PCDHA2: variants seen among roughly 807,000 people sequenced by gnomAD.
PCDHA2 encodes protocadherin alpha-2.
PCDHA2 carries 58 observed loss-of-function variants against 66.0 expected under a neutral mutation model. That is an observed-to-expected ratio of 0.88 (90% confidence interval 0.71 to 1.09). The LOEUF is 1.09. PCDHA2 is among the 50% of genes least tolerant of loss of function. The probability of loss-of-function intolerance (pLI) is 0.00; values close to 1 mark genes in which losing one functional copy is unlikely to be tolerated. For synonymous variants in PCDHA2, 634 were observed against 554.0 expected (o/e 1.14, Z -2.03); for missense variants, 1,267 against 1,242.3 (o/e 1.02, Z -0.30).
chr5:140,836,457 G>A (rs2150261358), intron 1 of PCDHA2: 82,082 of 1,613,792 alleles, frequency 0.051, 3,121 homozygotes, highest in Middle Eastern at 0.086. Context: ...CCCAGAGACC[G>A]AGCTGGTGGA....
At chr5:140,822,728 A>C (rs1554128843) in intron 1 of PCDHA2, 1 of 1,612,954 alleles carries the variant, frequency 6.2e-7, no homozygotes, top group Non-Finnish European at 8.5e-7. Flanking sequence ...TATGAAATTA[A>C]TATTGATGCC....
chr5:140,873,275 T>C (rs1335407966), intron 1 of PCDHA2, among the ~76,000 whole-genome samples: 1 of 152,220 alleles, frequency 6.6e-6, no homozygotes, highest in Non-Finnish European at 1.5e-5. Context: ...TAAACCATCA[T>C]ACCACTTATG....
chr5:140,863,488 A>G (rs1554158271), intron 1 of PCDHA2: 1 of 451,898 alleles, frequency 2.2e-6, no homozygotes, highest in Admixed American at 2.5e-5. Context: ...CCCAAGGTCA[A>G]CATTACGGCT....
chr5:140,854,265 A>C lies in PCDHA2; in HGVS notation c.2388+56913A>C, dbSNP rs2043061448. The C allele has an allele frequency of 6.7e-6, 4 of 593,530 alleles. 1 individual carries two copies. The highest frequency in any genetic ancestry group is 4.0e-5 in the African/African-American group (2 of 49,606). The allele number at this position is 593,530 out of a possible 1,614,324, so 36.8% of individuals were successfully genotyped here. A position where few individuals can be genotyped will look rare whatever the true frequency, so the allele number is the denominator to read the frequency against. ...TATCACTTGGTATAAAATGTACATT[A>C]GTAGAAATTGAGTTTAGTTTTTATT... On this transcript the variant is annotated intron_variant, in intron 1 of 3. Transcript: ENST00000526136.
chr5:140,835,559 C>T, intron 1 of PCDHA2: 1 of 1,613,922 alleles, frequency 6.2e-7, no homozygotes, highest in Non-Finnish European at 8.5e-7. Flanking sequence ...TGACGCCCCG[C>T]GTTCCCTTCA....
At chr5:140,884,158 G>T (rs376345503) in intron 1 of PCDHA2, 6 of 1,613,488 alleles carry the variant, frequency 3.7e-6, no homozygotes, top group Non-Finnish European at 5.1e-6. Context: ...ACACTGGCGA[G>T]ATCAGCACGA....
At position 140,973,495 on chromosome 5, in the gene PCDHA2, T is replaced by TA. The variant is rs148545809; in HGVS notation, c.2389-5454_2389-5453insA. Among the ~76,000 whole-genome samples, 585 of 152,336 alleles carry TA rather than the reference T, an allele frequency of 3.8e-3. 2 individuals are homozygous for TA. Among genetic ancestry groups the TA allele is most frequent in the African/African-American group, 0.013 (553 of 41,574 alleles). ...AATTTCATATTGGTCACAGGACTCTTCTTCTGAGAAAAAGTTTATTTTCTT... is the reference window on the plus strand; with the variant it reads ...AATTTCATATTGGTCACAGGACTCTTACTTCTGAGAAAAAGTTTATTTTCTT... On this transcript the variant is annotated intron_variant, in intron 1 of 3. Coordinates refer to ENST00000526136, the MANE Select transcript of PCDHA2 (RefSeq NM_018905.3).
intron 1 of PCDHA2, among the ~76,000 whole-genome samples, chr5:140,915,626 G>GTCTCTCTCTCTCTCTC (rs57920489): frequency 1.4e-5 from 2 of 146,436 alleles, no homozygotes; most frequent in African/African-American, 2.5e-5. Context: ...GTCTCTTTCT[G>GTCTCTCTCTCTCTCTC]TCTCTCTCTC....
intron 1 of PCDHA2, chr5:140,829,309 G>A (rs2150165707): frequency 1.1e-5 from 17 of 1,614,252 alleles, no homozygotes; most frequent in Non-Finnish European, 1.4e-5. Context: ...ATTACTACTC[G>A]TTGGTGCTGG....
intron 1 of PCDHA2, chr5:140,801,467 A>C (rs782777008): frequency 5.2e-5 from 84 of 1,613,952 alleles, no homozygotes; most frequent in East Asian, 1.1e-4. Flanking sequence ...ATTCTCGGAT[A>C]GACCGCGAGG....
intron 1 of PCDHA2, chr5:140,809,009 T>A: frequency 1.2e-6 from 2 of 1,613,662 alleles, no homozygotes; most frequent in Non-Finnish European, 1.7e-6. Context: ...CGCGTGGCTT[T>A]CGTACGAGCT....
chr5:140,809,156 C>A lies in PCDHA2; in HGVS notation c.2388+11804C>A, dbSNP rs142332964. ...GGTACTGGTGAAGGACCACGGCGAG[C>A]CCGCGCTGACGGCCACGGCCACTGT... On this transcript the variant is annotated intron_variant, in intron 1 of 3. Coordinates refer to ENST00000526136, the MANE Select transcript of PCDHA2 (RefSeq NM_018905.3). 1,245 of 1,613,862 alleles carry A rather than the reference C, an allele frequency of 7.7e-4. No individual in the cohort carries two copies. Among genetic ancestry groups the A allele is most frequent in the Non-Finnish European group, 1.0e-3 (1,205 of 1,179,950 alleles).
chr5:140,834,332 A>G (rs1179395632), intron 1 of PCDHA2: 7 of 1,485,034 alleles, frequency 4.7e-6, no homozygotes, highest in Non-Finnish European at 6.4e-6. Context: ...AAACATTCCT[A>G]TAAATTCGAA....
chr5:140,830,422 A>C (rs1771053469), intron 1 of PCDHA2: 6 of 1,613,926 alleles, frequency 3.7e-6, no homozygotes, highest in Admixed American at 1.7e-5. Flanking sequence ...CCAGCCTTTC[A>C]CCTTGTCCTA....
chr5:140,926,780 G>A, intron 1 of PCDHA2: 2 of 1,397,714 alleles, frequency 1.4e-6, no homozygotes, highest in Non-Finnish European at 1.9e-6. Context: ...CAGCAGTGAC[G>A]GCCGGCAGGA....
intron 1 of PCDHA2, chr5:140,829,124 G>T: frequency 6.2e-7 from 1 of 1,612,286 alleles, no homozygotes; most frequent in East Asian, 2.2e-5. Flanking sequence ...GGATAAAAAT[G>T]ATAACGTCCC....
chr5:140,903,401 T>C (rs577425497), intron 1 of PCDHA2, among the ~76,000 whole-genome samples: 1 of 152,218 alleles, frequency 6.6e-6, no homozygotes, highest in Non-Finnish European at 1.5e-5. Context: ...GAAACAGTAG[T>C]GCAGTCAGGA....
intron 1 of PCDHA2, among the ~76,000 whole-genome samples, chr5:140,840,756 A>T (rs1776857330): frequency 2.6e-5 from 4 of 152,114 alleles, no homozygotes; most frequent in Non-Finnish European, 5.9e-5. Context: ...GAACACAAGA[A>T]GATAAAATGT....
chr5:140,833,118 A>G (rs1296714112), intron 1 of PCDHA2, among the ~76,000 whole-genome samples: 1 of 152,250 alleles, frequency 6.6e-6, no homozygotes, highest in African/African-American at 2.4e-5. Flanking sequence ...CTTCAAAGTC[A>G]TTTGAAAGCT....
Sources: gnomAD v4.1 joint callset for allele counts (sites outside exome capture counted in the v4.1 genomes callset) on GRCh38, gnomAD v4.1.1 for gene constraint, MANE v1.5 for transcripts, NCBI Gene and HGNC (gene_info 2026-07-23, HGNC 2026-07-21) for gene names.